Variants in PARP15 observed in about 807,000 individuals in gnomAD.
PARP15 encodes protein mono-ADP-ribosyltransferase PARP15.
In PARP15, 50 loss-of-function variants were observed where a neutral mutation model predicts 62.1. That is an observed-to-expected ratio of 0.81 (90% CI 0.64 to 1.02). The LOEUF (loss-of-function observed/expected upper bound fraction) is 1.02, where lower values mean the gene tolerates loss of function less well. Among genes scored for constraint, PARP15 ranks in the 50% least tolerant of loss-of-function variants. PARP15 has a pLI of 0.00. For synonymous variants in PARP15, 309 were observed against 293.1 expected (o/e 1.05, Z -0.55); for missense variants, 820 against 826.5 (o/e 0.99, Z 0.10).
intron 1 of PARP15, among the ~76,000 whole-genome samples, chr3:122,580,024 T>TATAC: frequency 7.4e-6 from 1 of 134,394 alleles, no homozygotes; most frequent in African/African-American, 2.7e-5. Flanking sequence ...TATATATATA[T>TATAC]ATATATATAT....
At chr3:122,627,205 C>T (rs1559991807) in intron 9 of PARP15, among the ~76,000 whole-genome samples, 172 bp downstream of exon 9, 1 of 152,142 alleles carries the variant, frequency 6.6e-6, no homozygotes, top group Non-Finnish European at 1.5e-5. Flanking sequence ...AACCTCCTGT[C>T]AACTGATTAT....
chr3:122,599,518 T>TTTGTC (rs1375128764), intron 1 of PARP15, among the ~76,000 whole-genome samples: 1 of 79,430 alleles, frequency 1.3e-5, no homozygotes, highest in Non-Finnish European at 2.6e-5. Context: ...GAATTTCTCT[T>TTTGTC]TTTTCTTTTC....
Position 122,636,233 on chromosome 3 carries a change from T to C in PARP15, c.*133T>C. 2 of 883,774 alleles carry C rather than the reference T, an allele frequency of 2.3e-6. No individual in the cohort carries two copies. Among genetic ancestry groups the C allele is most frequent in the South Asian group, 3.6e-5 (2 of 54,956 alleles). The allele number at this position is 883,774 out of a possible 1,614,324, so 54.7% of individuals were successfully genotyped here. A position where few individuals can be genotyped will look rare whatever the true frequency, so the allele number is the denominator to read the frequency against. On this transcript the variant is annotated 3_prime_UTR_variant, in exon 12 of 12. Transcript: ENST00000464300. ...TGCCAAAATGCTGAAAATTACCTTT[T>C]TAAAGTGCTCTATTGCTGCGATTTG...
intron 1 of PARP15, among the ~76,000 whole-genome samples, chr3:122,587,486 A>T (rs923369817): frequency 6.6e-6 from 1 of 152,136 alleles, no homozygotes; most frequent in Non-Finnish European, 1.5e-5. Context: ...GATTTTCACC[A>T]TTCTAACAGG....
chr3:122,596,746 A>G (rs1433588766), intron 1 of PARP15, among the ~76,000 whole-genome samples: 1 of 152,230 alleles, frequency 6.6e-6, no homozygotes, highest in Non-Finnish European at 1.5e-5. Flanking sequence ...TCATTTTTTA[A>G]TGGCTGTACC....
At chr3:122,583,189 C>G (rs187723476) in intron 1 of PARP15, among the ~76,000 whole-genome samples, 1 of 129,166 alleles carries the variant, frequency 7.7e-6, no homozygotes, top group Non-Finnish European at 1.5e-5. Flanking sequence ...GGCATGATCT[C>G]GGCTCGCTGC....
chr3:122,624,927 G>A (rs948205913), intron 8 of PARP15, among the ~76,000 whole-genome samples: 1 of 152,004 alleles, frequency 6.6e-6, no homozygotes, highest in African/African-American at 2.4e-5. Context: ...TGAGGAACTT[G>A]AGGGTAGGTT....
At chr3:122,608,827 G>A (rs940367280) in intron 2 of PARP15, among the ~76,000 whole-genome samples, 2 of 150,620 alleles carry the variant, frequency 1.3e-5, no homozygotes, top group Non-Finnish European at 2.9e-5. Flanking sequence ...GAGTGCAGTG[G>A]CGCAGTCACG....
chr3:122,612,038 T>TC (rs1559962337), intron 3 of PARP15, among the ~76,000 whole-genome samples: 5 of 151,078 alleles, frequency 3.3e-5, no homozygotes, highest in African/African-American at 1.2e-4. Flanking sequence ...TTAGTTGAGA[T>TC]TCTCTTTCTC....
Position 122,636,020 on chromosome 3 carries a change from A to T in PARP15, c.1957A>T (p.Asn653Tyr), listed in dbSNP as rs762333031. The T allele has an allele frequency of 6.2e-7, 1 of 1,614,118 alleles. No homozygotes were observed. Among genetic ancestry groups the T allele is most frequent in the Non-Finnish European group, 8.5e-7 (1 of 1,179,988 alleles). The part of the protein sequence containing the change: ...PTDLFDSVTN[N>Y]TRSPKLFVVF... Reference sequence around the variant, plus strand: ...AGATCTCTTTGACTCAGTGACAAACAATACACGATCTCCAAAGCTATTTGT... The same window carrying T: ...AGATCTCTTTGACTCAGTGACAAACTATACACGATCTCCAAAGCTATTTGT... Residue 653 changes from asparagine (N) to tyrosine (Y), a missense_variant, in exon 12 of 12, where the codon AAT becomes TAT. Transcript: ENST00000464300.
At chr3:122,599,982 A>C (rs1211662819) in intron 1 of PARP15, among the ~76,000 whole-genome samples, 1 of 152,238 alleles carries the variant, frequency 6.6e-6, no homozygotes, top group East Asian at 1.9e-4. Context: ...CCAATAAATA[A>C]AGCTATTATA....
chr3:122,579,993 C>CTATATGTATATATATATATATATATATA (rs2080765045), intron 1 of PARP15, among the ~76,000 whole-genome samples: 1 of 70,828 alleles, frequency 1.4e-5, no homozygotes, highest in African/African-American at 5.9e-5. Flanking sequence ...ACAACAGCAA[C>CTATATGTATATATATATATATATATATA]TATATGTATA....
chr3:122,584,546 G>A (rs1021247601), intron 1 of PARP15, among the ~76,000 whole-genome samples: 5 of 144,620 alleles, frequency 3.5e-5, no homozygotes, highest in Non-Finnish European at 7.6e-5. Flanking sequence ...TTTTTATCAT[G>A]TTAAGGAAAT....
chr3:122,630,052 T>TA (rs1476456296), intron 9 of PARP15, among the ~76,000 whole-genome samples: 1 of 152,166 alleles, frequency 6.6e-6, no homozygotes, highest in Admixed American at 6.5e-5. Flanking sequence ...ACCCCTGTCT[T>TA]AAAAAACACT....
chr3:122,607,084 A>C (rs1290159135), intron 2 of PARP15, among the ~76,000 whole-genome samples: 1 of 152,206 alleles, frequency 6.6e-6, no homozygotes, highest in Admixed American at 6.5e-5. Flanking sequence ...GCATCTTGTC[A>C]TTTTACACAG....
rs1559980911 is a variant in PARP15 at position 122,621,554 on chromosome 3, C to G, written c.1174C>G (p.Leu392Val). 1 of 1,613,936 alleles carries G rather than the reference C, an allele frequency of 6.2e-7. No individual in the cohort carries two copies. The highest frequency in any genetic ancestry group is 2.2e-5 in the East Asian group (1 of 44,878). The change falls in exon 8 of 12, where the codon CTA becomes GTA. Residue 392 changes from leucine to valine, a missense_variant. Physicochemically the swap from Leu to Val is conservative, Grantham distance 32. This residue lies in a region of PARP15 where 731 missense variants were observed against 727.7 expected (regional missense o/e 1.00). Transcript: ENST00000464300. ...KDVRKTVTSV[L>V]EECEQRKYTS... ...TGTCAGGAAAACGGTCACCAGTGTT[C>G]TAGAAGAGTGTGAACAGAGGAAGTA...
At chr3:122,597,345 TG>T (rs1001443742) in intron 1 of PARP15, among the ~76,000 whole-genome samples, 1 of 37,306 alleles carries the variant, frequency 2.7e-5, no homozygotes, top group Non-Finnish European at 8.1e-5. Flanking sequence ...CCATAGCAAG[TG>T]GTTTTTTTTT....
At chr3:122,588,805 A>T (rs1350311159) in intron 1 of PARP15, among the ~76,000 whole-genome samples, 2 of 152,220 alleles carry the variant, frequency 1.3e-5, no homozygotes, top group Non-Finnish European at 2.9e-5. Flanking sequence ...TATTCTGGAC[A>T]TTTCACATAA....
intron 1 of PARP15, among the ~76,000 whole-genome samples, chr3:122,596,645 A>G (rs926226639): frequency 3.9e-5 from 6 of 152,242 alleles, no homozygotes; most frequent in Non-Finnish European, 7.3e-5. Context: ...AATGGAATGA[A>G]CCATTTTAAA....
Sources: allele counts gnomAD v4.1 joint callset (sites outside exome capture counted in the v4.1 genomes callset), GRCh38; gene constraint gnomAD v4.1.1; regional missense constraint gnomAD v4.1.1; transcripts MANE v1.5; gene names NCBI Gene and HGNC (gene_info 2026-07-23, HGNC 2026-07-21).